LILRA5: variants seen among roughly 807,000 people sequenced by gnomAD.
LILRA5 encodes the protein leukocyte immunoglobulin-like receptor subfamily A member 5.
In LILRA5, 31 loss-of-function variants were observed where a neutral mutation model predicts 36.3. The observed-to-expected ratio is 0.85, with a 90% CI of 0.64 to 1.15. The LOEUF is 1.15. LILRA5 is among the 50% of genes most tolerant of loss of function. The pLI is 0.00. For synonymous variants in LILRA5, 144 were observed against 144.8 expected, an observed-to-expected ratio of 0.99 and a Z score of 0.04; for missense variants, 348 against 377.4, an observed-to-expected ratio of 0.92 and a Z score of 0.64.
Position 54,309,972 on chromosome 19 carries a change from G to A in LILRA5, c.712+1442C>T, listed in dbSNP as rs144160277. On this transcript the variant is annotated intron_variant, in intron 5 of 6. Coordinates refer to ENST00000432233, the MANE Select transcript of LILRA5 (RefSeq NM_021250.4). Reference sequence around the variant, plus strand: ...GCCTCCAGGTGAGCACAGGAGGGGCGGTGTGAGTGGTACCCACAGCTGGGG... The same window carrying A: ...GCCTCCAGGTGAGCACAGGAGGGGCAGTGTGAGTGGTACCCACAGCTGGGG... The A allele has an allele frequency of 2.1e-3, 617 of 289,740 alleles. 11 individuals are homozygous for A. Among genetic ancestry groups the A allele is most frequent in the Middle Eastern group, 0.014 (28 of 1,994 alleles). 17.9% of individuals were successfully genotyped at this position (289,740 alleles called of 1,614,324 possible).
chr19:54,310,958 CTTTT>C (rs55912820), intron 5 of LILRA5: 57 of 174,870 alleles, frequency 3.3e-4, no homozygotes, highest in South Asian at 5.1e-4. Context: ...TTTTCTTTTT[CTTTT>C]TTTTTTTTTT....
intron 1 of LILRA5, 25 bp from the exon 2 acceptor site, chr19:54,312,646 G>C: frequency 6.2e-7 from 1 of 1,609,728 alleles, no homozygotes; most frequent in Non-Finnish European, 8.5e-7. Context: ...AGACACACAG[G>C]GTGTGGCAGC....
In LILRA5 at chr19:54,308,354, AATATATATATATATATATATATATATAT is replaced by A. The variant is rs60172604; in HGVS notation, c.713-634_713-607del. ...GTGTGTGTATATATATGTATATATAAATATATATATATATATATATATATATATATATATATATATATATATATATATA... is the reference window on the plus strand; with the variant it reads ...GTGTGTGTATATATATGTATATATAAATATATATATATATATATATATATA... On this transcript the variant is annotated intron_variant, in intron 5 of 6. Coordinates refer to ENST00000432233, the MANE Select transcript of LILRA5 (RefSeq NM_021250.4). The A allele has an allele frequency of 5.9e-3, 109 of 18,512 alleles. 5 individuals carry two copies. The highest frequency in any genetic ancestry group is 0.027 in the African/African-American group (77 of 2,846). The allele number at this position is 18,512 out of a possible 1,614,324, so 1.1% of individuals were successfully genotyped here. A position where few individuals can be genotyped will look rare whatever the true frequency, so the allele number is the denominator to read the frequency against.
chr19:54,307,635 A>T, intron 6 of LILRA5, 63 bp downstream of exon 6: 1 of 1,613,012 alleles, frequency 6.2e-7, no homozygotes. Context: ...GGGCACCCAT[A>T]TCATCTTGAC....
rs140176890 is a variant in LILRA5 at position 54,307,436 on chromosome 19, G to A, written c.877C>T (p.Pro293Ser). Residue 293 changes from proline to serine, a missense_variant, in exon 7 of 7, where the codon CCC becomes TCC. Pro to Ser is a moderately conservative substitution (Grantham distance 74, BLOSUM62 -1). Transcript: ENST00000432233. ...IFQDWHSQRS[P>S]QAAAGR is the part of the protein sequence containing the mutation. ...GTTCACCTTCCAGCTGCAGCTTGGGGGCTTCTCTGGCTGTGCCAATCCTGA... is the reference window on the plus strand; with the variant it reads ...GTTCACCTTCCAGCTGCAGCTTGGGAGCTTCTCTGGCTGTGCCAATCCTGA... 2,410 of 1,613,164 alleles carry A rather than the reference G, an allele frequency of 1.5e-3. 3 individuals carry two copies. The highest frequency in any genetic ancestry group is 3.9e-3 in the Admixed American group (235 of 59,862).
Position 54,307,908 on chromosome 19 carries a change from C to G in LILRA5, c.713-160G>C. 1.1e-5 allele frequency: 7 copies of G among 621,452 alleles called. 1 individual carries two copies. In the South Asian group the frequency reaches 1.3e-4, roughly 12 times the overall value. 38.5% of individuals were successfully genotyped at this position (621,452 alleles called of 1,614,324 possible). On this transcript the variant is annotated intron_variant, in intron 5 of 6. Coordinates refer to ENST00000432233, the MANE Select transcript of LILRA5 (RefSeq NM_021250.4). ...TCCCTCTGCTGGAGCAGGGTTCCCT[C>G]CAGTCTCCTCACTGAATTATTTCAG...
chr19:54,308,370 T>A (rs1186835271), intron 5 of LILRA5: 5 of 34,780 alleles, frequency 1.4e-4, no homozygotes, highest in East Asian at 7.5e-4. Flanking sequence ...TATATATATA[T>A]ATATATATAT....
At chr19:54,311,386 G>A (rs1291389268) in intron 5 of LILRA5, 28 bp downstream of exon 5, 3 of 1,614,160 alleles carry the variant, frequency 1.9e-6, no homozygotes, top group Non-Finnish European at 2.5e-6. Flanking sequence ...TCCCTGAATT[G>A]TACTAGAGAA....
At chr19:54,308,161 G>A in intron 5 of LILRA5, 1 of 173,362 alleles carries the variant, frequency 5.8e-6, no homozygotes, top group African/African-American at 2.4e-5. Context: ...ATGACGGGTT[G>A]GTCCTCAGGG....
chr19:54,307,529 C>T lies in LILRA5; in HGVS notation c.784G>A (p.Ala262Thr), dbSNP rs149647882. 458 of 1,613,928 alleles carry T rather than the reference C, an allele frequency of 2.8e-4. 2 individuals carry two copies. The African/African-American group carries it at 2.9e-3, about 10-fold the overall frequency. Reference sequence around the variant, plus strand: ...CCCATGCGGATGAGATTCTCTACTGCGTAATCCTGAAGGTGTGAGGCTGGG... The same window carrying T: ...CCCATGCGGATGAGATTCTCTACTGTGTAATCCTGAAGGTGTGAGGCTGGG... ...SGTASHLQDYAVENLIRMGMA... is the reference protein window; with the variant it reads ...SGTASHLQDYTVENLIRMGMA... The change falls in exon 7 of 7, where the codon GCA becomes ACA. Residue 262 changes from alanine (A) to threonine (T), a missense_variant. Coordinates refer to ENST00000432233, the MANE Select transcript of LILRA5 (RefSeq NM_021250.4).
intron 5 of LILRA5, 75 bp from the exon 6 acceptor site, chr19:54,307,823 G>T: frequency 8.1e-7 from 1 of 1,241,356 alleles, no homozygotes; most frequent in Non-Finnish European, 1.2e-6. Flanking sequence ...CCTGAGCTCT[G>T]CATTCTCCTA....
chr19:54,312,927 G>C, intron 1 of LILRA5, 90 bp downstream of exon 1: 2 of 1,544,608 alleles, frequency 1.3e-6, no homozygotes, highest in South Asian at 2.2e-5. Context: ...CCTTTCAGGC[G>C]AGGGTGACCT....
In LILRA5 at chr19:54,307,322, T is replaced by A. The variant is rs2080896171; in HGVS notation, c.*91A>T. On this transcript the variant is annotated 3_prime_UTR_variant, in exon 7 of 7. Coordinates refer to ENST00000432233, the MANE Select transcript of LILRA5 (RefSeq NM_021250.4). ...TTGCCAGCAGACAGTCCAGATGGCA[T>A]AGGCCTCAGATGGTCTTCCCGAACC... is the stretch of plus-strand genomic sequence containing the variant. The A allele has an allele frequency of 8.0e-7, 1 of 1,247,774 alleles. No individual in the cohort carries two copies. The highest frequency in any genetic ancestry group is 1.1e-6 in the Non-Finnish European group (1 of 922,506). The allele number at this position is 1,247,774 out of a possible 1,614,324, so 77.3% of individuals were successfully genotyped here.
At position 54,308,443 on chromosome 19, in the gene LILRA5, T is replaced by C. The variant is rs1429660948; in HGVS notation, c.713-695A>G. Reference sequence around the variant, plus strand: ...GAGGCTCATAAAACAATTTCTGCTTTTAGGGCCAGGCGTGGTGGCTCATGC... The same window carrying C: ...GAGGCTCATAAAACAATTTCTGCTTCTAGGGCCAGGCGTGGTGGCTCATGC... On this transcript the variant is annotated intron_variant, in intron 5 of 6. Transcript: ENST00000432233. 4.3e-5 allele frequency: 6 copies of C among 140,538 alleles called. No homozygotes were observed. The Admixed American group carries it at 4.5e-4, about 11-fold the overall frequency. The allele number at this position is 140,538 out of a possible 1,614,324, so 8.7% of individuals were successfully genotyped here.
rs1299518299 is a variant in LILRA5 at position 54,307,651 on chromosome 19, C to T, written c.763+47G>A. ...GGCACCCATATCATCTTGACAGGAC[C>T]TGACCCTCTGTGCCAGTTCCATAAC... On this transcript the variant is annotated intron_variant, in intron 6 of 6. Coordinates refer to ENST00000432233, the MANE Select transcript of LILRA5 (RefSeq NM_021250.4). 7 of 1,613,398 alleles carry T rather than the reference C, an allele frequency of 4.3e-6. No individual in the cohort carries two copies. The Admixed American group carries it at 1.0e-4, about 23-fold the overall frequency.
chr19:54,308,385 AT>A (rs2080938184), intron 5 of LILRA5: 1 of 84,508 alleles, frequency 1.2e-5, no homozygotes, highest in Admixed American at 1.3e-4. Flanking sequence ...ATATATATAT[AT>A]ATATATATAT....
At chr19:54,312,670 C>G in intron 1 of LILRA5, 49 bp from the exon 2 acceptor site, 1 of 1,560,674 alleles carries the variant, frequency 6.4e-7, no homozygotes, top group Non-Finnish European at 8.8e-7. Context: ...GAGGCTGGGT[C>G]CTTCTTGTCA....
At chr19:54,307,943 G>A (rs555339490) in intron 5 of LILRA5, 195 bp from the exon 6 acceptor site, 52 of 594,104 alleles carry the variant, frequency 8.8e-5, no homozygotes, top group Admixed American at 1.5e-4. Flanking sequence ...GCTTTCCTTT[G>A]TTCTTTGAAT....
chr19:54,307,492 A>C lies in LILRA5; in HGVS notation c.821T>G (p.Leu274Trp). ...CAGAATCCCAAGGACCACCAGGATC[A>C]AGCCGGCCATGCCCATGCGGATGAG... The part of the protein sequence containing the change: ...ENLIRMGMAG[L>W]ILVVLGILIF... Residue 274 changes from leucine (L) to tryptophan (W), a missense_variant, in exon 7 of 7, where the codon TTG (leucine) becomes TGG (tryptophan). Leu to Trp is a moderately conservative substitution (Grantham distance 61). Transcript: ENST00000432233. 1 of 1,614,082 alleles carries C rather than the reference A, an allele frequency of 6.2e-7. No homozygotes were observed. The highest frequency in any genetic ancestry group is 8.5e-7 in the Non-Finnish European group (1 of 1,180,020).
Sources: allele counts gnomAD v4.1 joint callset, GRCh38; gene constraint gnomAD v4.1.1; transcripts MANE v1.5; gene names NCBI Gene and HGNC (gene_info 2026-07-23, HGNC 2026-07-21).